GALNT1: variants seen among roughly 807,000 people sequenced by gnomAD.
The protein encoded by GALNT1 is GalNAc transferase 1.
A neutral mutation model predicts 65.7 loss-of-function variants in GALNT1; 17 were observed. The observed-to-expected ratio is 0.26, with a 90% CI of 0.18 to 0.39. The LOEUF (loss-of-function observed/expected upper bound fraction) is 0.39. Ranked by LOEUF, GALNT1 falls within the 10% of genes least tolerant of loss-of-function variation. The pLI is 1.00. For synonymous variants in GALNT1, 210 were observed against 219.7 expected, an observed-to-expected ratio of 0.96 and a Z score of 0.39; for missense variants, 460 against 672.8, an observed-to-expected ratio of 0.68 and a Z score of 3.50.
chr18:35,603,529 T>C (rs980185795), intron 1 of GALNT1, among the ~76,000 whole-genome samples: 4 of 152,212 alleles, frequency 2.6e-5, no homozygotes, highest in Admixed American at 2.6e-4. Flanking sequence ...TTTTAAATGG[T>C]AGCATCATGT....
chr18:35,669,638 A>G (rs58040950), intron 3 of GALNT1, among the ~76,000 whole-genome samples: 1,965 of 152,356 alleles, frequency 0.013, 46 homozygotes, highest in African/African-American at 0.045. Flanking sequence ...CACTGTCATG[A>G]TAAAACCCCT....
intron 1 of GALNT1, among the ~76,000 whole-genome samples, chr18:35,590,993 C>T (rs2143866584): frequency 6.6e-6 from 1 of 152,110 alleles, no homozygotes; most frequent in Middle Eastern, 3.4e-3. Context: ...AGACTGGGGG[C>T]AAAAGATGAC....
At position 35,710,590 on chromosome 18, in the gene GALNT1, A is replaced by G. The variant is rs1357963596; in HGVS notation, c.*820A>G. The G allele has an allele frequency of 2.6e-5, 4 of 152,438 alleles. No individual in the cohort carries two copies. The highest frequency in any genetic ancestry group is 5.9e-5 in the Non-Finnish European group (4 of 68,028). The allele number at this position is 152,438 out of a possible 1,614,324, so 9.4% of individuals were successfully genotyped here. The stretch of plus-strand genomic sequence containing the variant: ...CCTTCTAAAAAATGGAAATTTAACA[A>G]TGTCTGATCTCAGCTGAACAAATTA... On this transcript the variant is annotated 3_prime_UTR_variant, in exon 12 of 12. Transcript: ENST00000269195.
intron 2 of GALNT1, among the ~76,000 whole-genome samples, chr18:35,658,219 T>G (rs1445808824): frequency 2.0e-5 from 3 of 152,160 alleles, no homozygotes; most frequent in Non-Finnish European, 2.9e-5. Context: ...AAATGGACTC[T>G]GGAGGAGAGC....
chr18:35,626,349 C>T (rs1456364925), intron 1 of GALNT1, among the ~76,000 whole-genome samples: 1 of 152,122 alleles, frequency 6.6e-6, no homozygotes, highest in African/African-American at 2.4e-5. Context: ...ATATGTGATT[C>T]TGTGATAGAC....
chr18:35,597,839 G>T (rs2046524020), intron 1 of GALNT1, among the ~76,000 whole-genome samples: 1 of 152,094 alleles, frequency 6.6e-6, no homozygotes, highest in Admixed American at 6.6e-5. Flanking sequence ...ACATATATAT[G>T]TAAATGCCTT....
At chr18:35,632,621 A>G (rs2144211188) in intron 1 of GALNT1, among the ~76,000 whole-genome samples, 1 of 152,350 alleles carries the variant, frequency 6.6e-6, no homozygotes, top group East Asian at 1.9e-4. Flanking sequence ...AGGCAATACC[A>G]TTCAGGACAT....
intron 1 of GALNT1, among the ~76,000 whole-genome samples, chr18:35,650,119 T>C (rs906974916): frequency 6.6e-6 from 1 of 152,180 alleles, no homozygotes; most frequent in Non-Finnish European, 1.5e-5. Context: ...ATGTGGGCCC[T>C]TTTCTATTTT....
At chr18:35,675,396 T>C (rs2075007436) in intron 3 of GALNT1, among the ~76,000 whole-genome samples, 1 of 152,230 alleles carries the variant, frequency 6.6e-6, no homozygotes, top group Non-Finnish European at 1.5e-5. Flanking sequence ...ATTTAAAAAA[T>C]TATTTCCTTT....
chr18:35,608,637 T>C (rs1568015026), intron 1 of GALNT1, among the ~76,000 whole-genome samples: 2 of 152,200 alleles, frequency 1.3e-5, no homozygotes, highest in South Asian at 2.1e-4. Flanking sequence ...CTAGGCATTG[T>C]AGACACAAAA....
intron 1 of GALNT1, among the ~76,000 whole-genome samples, chr18:35,620,961 C>T (rs1005142424): frequency 6.6e-6 from 1 of 152,150 alleles, no homozygotes; most frequent in Admixed American, 6.5e-5. Flanking sequence ...TGCCAAATTA[C>T]ACTTGGAACA....
intron 1 of GALNT1, among the ~76,000 whole-genome samples, chr18:35,609,545 A>C (rs2046691174): frequency 6.6e-6 from 1 of 152,190 alleles, no homozygotes; most frequent in South Asian, 2.1e-4. Context: ...ACTGCTATGC[A>C]TGATAGTTTA....
intron 9 of GALNT1, among the ~76,000 whole-genome samples, chr18:35,695,987 A>T (rs1218049611): frequency 6.6e-6 from 1 of 152,110 alleles, no homozygotes; most frequent in Admixed American, 6.5e-5. Flanking sequence ...TGACAAAGAA[A>T]CACTTGTCTG....
chr18:35,679,011 C>G (rs1367304506), intron 4 of GALNT1, among the ~76,000 whole-genome samples: 10 of 152,028 alleles, frequency 6.6e-5, no homozygotes, highest in Non-Finnish European at 1.5e-4. Context: ...TAAAGAGATA[C>G]TTTATAATCA....
At chr18:35,609,720 C>G (rs953654418) in intron 1 of GALNT1, among the ~76,000 whole-genome samples, 1 of 152,112 alleles carries the variant, frequency 6.6e-6, no homozygotes, top group African/African-American at 2.4e-5. Flanking sequence ...AAACAGTGAC[C>G]AGGAGACAGA....
chr18:35,664,518 G>T (rs2047518279), intron 3 of GALNT1: 1 of 152,122 alleles, frequency 6.6e-6, no homozygotes, highest in South Asian at 2.1e-4. Context: ...TGACATTCTT[G>T]TTCATGTCTT....
In GALNT1 at chr18:35,585,128, T is replaced by C. The variant is rs893918605; in HGVS notation, c.-104+3266T>C. ...GCTGGGTTGGGGAGGACGGCTTCTC[T>C]GGGTATGTAACATTTAAACTCCTGC... On this transcript the variant is annotated intron_variant, in intron 1 of 11. Coordinates refer to ENST00000269195, the MANE Select transcript of GALNT1 (RefSeq NM_020474.4). Among the ~76,000 whole-genome samples, 6 of 152,318 alleles carry C rather than the reference T, an allele frequency of 3.9e-5. 1 individual carries two copies. Among genetic ancestry groups the C allele is most frequent in the Admixed American group, 3.3e-4 (5 of 15,298 alleles).
At position 35,691,449 on chromosome 18, in the gene GALNT1, T is replaced by A. The variant is rs77804731; in HGVS notation, c.1159+257T>A. 3.3e-5 allele frequency among the ~76,000 whole-genome samples: 5 copies of A among 152,380 alleles called. No homozygotes were observed. In the East Asian group the frequency reaches 7.7e-4, roughly 23 times the overall value. On this transcript the variant is annotated intron_variant, in intron 8 of 11. Transcript: ENST00000269195. ...GGTTTTGCAGATGTTCTATTTTTTT[T>A]AAAACCTAACTGCAACATTTAGTAT...
intron 9 of GALNT1, 23 bp downstream of exon 9, chr18:35,692,343 T>TA: frequency 1.5e-6 from 2 of 1,340,996 alleles, no homozygotes. Context: ...TATATATATA[T>TA]TCTATGTGGT....
Sources: allele counts gnomAD v4.1 joint callset (sites outside exome capture counted in the v4.1 genomes callset), GRCh38; gene constraint gnomAD v4.1.1; transcripts MANE v1.5; gene names NCBI Gene and HGNC (gene_info 2026-07-23, HGNC 2026-07-21).